The following FXR2 variants were observed in gnomAD, a reference collection of about 807,000 sequenced individuals.
FXR2 encodes FMR1 autosomal homolog 2, also known as RNA-binding protein FXR2.
In FXR2, 9 loss-of-function variants were observed where a neutral mutation model predicts 87.3. The observed-to-expected ratio is 0.10, with a 90% confidence interval of 0.06 to 0.18. The LOEUF (loss-of-function observed/expected upper bound fraction) is 0.18, where lower values mean the gene tolerates loss of function less well. Among genes scored for constraint, FXR2 ranks in the 10% least tolerant of loss-of-function variants. The probability of loss-of-function intolerance (pLI) is 1.00; values close to 1 mark genes in which losing one functional copy is unlikely to be tolerated. For synonymous variants in FXR2, 331 were observed against 328.3 expected (o/e 1.01, Z -0.09); for missense variants, 661 against 893.6 (o/e 0.74, Z 3.32).
rs774976659 is a variant in FXR2 at position 7,592,749 on chromosome 17, G to T, written c.1674C>A (p.Thr558=). The T allele has an allele frequency of 2.1e-5, 34 of 1,613,042 alleles. No homozygotes were observed. In the South Asian group the frequency reaches 3.5e-4, roughly 17 times the overall value. Residue 558 remains threonine (T), a synonymous_variant, in exon 14 of 17, where the codon ACC becomes ACA. Coordinates refer to ENST00000250113, the MANE Select transcript of FXR2 (RefSeq NM_004860.4). The surrounding 1 kb of genome is among the most constrained non-coding windows in gnomAD (Gnocchi z 4.8). ...SRRRRTDEDR[T]VMDGGLESDG... is the part of the protein sequence containing the mutation. The stretch of plus-strand genomic sequence containing the variant: ...CTGATTCCAGGCCTCCATCCATGAC[G>T]GTCCTGTCTTCATCAGTGCGGCGGC...
chr17:7,591,995 C>A lies in FXR2; in HGVS notation c.1927-70G>T. On this transcript the variant is annotated intron_variant, in intron 16 of 16. Coordinates refer to ENST00000250113, the MANE Select transcript of FXR2 (RefSeq NM_004860.4). The surrounding 1 kb of genome is among the most constrained non-coding windows in gnomAD (Gnocchi z 4.0). ...AGTAGAAATTCAGGTGGGAGACATTCCCTACCATCCAAGCCCTCCTGGCAT... is the reference window on the plus strand; with the variant it reads ...AGTAGAAATTCAGGTGGGAGACATTACCTACCATCCAAGCCCTCCTGGCAT... The A allele has an allele frequency of 8.4e-7, 1 of 1,192,578 alleles. No individual in the cohort carries two copies. Among genetic ancestry groups the A allele is most frequent in the Non-Finnish European group, 1.2e-6 (1 of 834,074 alleles). The allele number at this position is 1,192,578 out of a possible 1,614,324, so 73.9% of individuals were successfully genotyped here. A position where few individuals can be genotyped will look rare whatever the true frequency, so the allele number is the denominator to read the frequency against.
At chr17:7,602,127 A>T (rs2071761891) in intron 6 of FXR2, among the ~76,000 whole-genome samples, 1 of 151,304 alleles carries the variant, frequency 6.6e-6, no homozygotes, top group African/African-American at 2.4e-5. Flanking sequence ...TCAGGTTTAA[A>T]AAAAAAGGGT....
chr17:7,599,302 CAAAACAAAAAACA>C (rs1321001608), intron 7 of FXR2, among the ~76,000 whole-genome samples: 1 of 151,806 alleles, frequency 6.6e-6, no homozygotes, highest in East Asian at 1.9e-4. Flanking sequence ...GACTCCATCT[CAAAACAAAAAACA>C]AAAACAAAAA....
Position 7,593,001 on chromosome 17 carries a change from G to T in FXR2, c.1511C>A (p.Ser504Tyr), listed in dbSNP as rs1170299578. 3.8e-6 allele frequency: 6 copies of T among 1,573,662 alleles called. No homozygotes were observed. The South Asian group carries it at 5.9e-5, about 15-fold the overall frequency. ...PAPRPTSRYN[S>Y]SSISSVLKDP... ...TCTGGTACCTGAGCTAATAGATGAAGAATTGTATCTCGAAGTGGGCCGGGG... is the reference window on the plus strand; with the variant it reads ...TCTGGTACCTGAGCTAATAGATGAATAATTGTATCTCGAAGTGGGCCGGGG... Residue 504 changes from serine to tyrosine, a missense_variant, in exon 13 of 17, where the codon TCT becomes TAT. Ser to Tyr is a moderately radical substitution (Grantham distance 144). Transcript: ENST00000250113. This position sits in a 1 kb window ranked among gnomAD's most constrained non-coding sequence, Gnocchi z 6.1.
chr17:7,607,521 G>C (rs571841165), intron 1 of FXR2, among the ~76,000 whole-genome samples: 6 of 151,560 alleles, frequency 4.0e-5, no homozygotes, highest in Non-Finnish European at 7.4e-5. Context: ...TCCACCCCCC[G>C]GGTTCAAGCA....
intron 1 of FXR2, among the ~76,000 whole-genome samples, chr17:7,611,561 G>C (rs947356213): frequency 1.3e-5 from 2 of 152,076 alleles, no homozygotes; most frequent in Non-Finnish European, 2.9e-5. Context: ...CCAGCTACTC[G>C]GGAGGCTGAG....
Position 7,592,215 on chromosome 17 carries a change from CA to C in FXR2, c.1926+38del. 3 of 1,554,642 alleles carry C rather than the reference CA, an allele frequency of 1.9e-6. No individual in the cohort carries two copies. Among genetic ancestry groups the C allele is most frequent in the Non-Finnish European group, 2.7e-6 (3 of 1,131,724 alleles). On this transcript the variant is annotated intron_variant, in intron 16 of 16. Transcript: ENST00000250113. This position sits in a 1 kb window ranked among gnomAD's most constrained non-coding sequence, Gnocchi z 4.8. ...TGTGCCCCCTGCCCCAGAGTAACAACAAAAAAGGGATGGGGTAAAGCACATC... is the reference window on the plus strand; with the variant it reads ...TGTGCCCCCTGCCCCAGAGTAACAACAAAAAGGGATGGGGTAAAGCACATC...
At chr17:7,614,277 G>A (rs539416486) in intron 1 of FXR2, among the ~76,000 whole-genome samples, 175 bp downstream of exon 1, 5 of 152,244 alleles carry the variant, frequency 3.3e-5, no homozygotes, top group African/African-American at 9.6e-5. Context: ...TCAAAAATAA[G>A]AGGAACAGGG....
intron 7 of FXR2, among the ~76,000 whole-genome samples, chr17:7,599,856 C>T (rs551626193): frequency 2.6e-5 from 4 of 152,128 alleles, no homozygotes; most frequent in East Asian, 3.9e-4. Flanking sequence ...CTAGCCTGGG[C>T]GACAGAGACG....
intron 6 of FXR2, among the ~76,000 whole-genome samples, chr17:7,602,121 G>A (rs181881405): frequency 1.2e-4 from 18 of 150,866 alleles, no homozygotes; most frequent in Admixed American, 3.3e-4. Flanking sequence ...TGATTATCAG[G>A]TTTAAAAAAA....
chr17:7,602,058 C>CT (rs781008378), intron 6 of FXR2, among the ~76,000 whole-genome samples: 4 of 152,118 alleles, frequency 2.6e-5, no homozygotes, highest in East Asian at 1.9e-4. Context: ...GCTACATACT[C>CT]TATTTCTGAA....
At chr17:7,604,133 A>G in intron 3 of FXR2, 53 bp from the exon 4 acceptor site, 1 of 1,378,724 alleles carries the variant, frequency 7.3e-7, no homozygotes. Context: ...AAAAGCATCA[A>G]GAAAGGGATG....
chr17:7,592,483 T>C lies in FXR2; in HGVS notation c.1825+21A>G. 2 of 1,606,064 alleles carry C rather than the reference T, an allele frequency of 1.2e-6. No homozygotes were observed. Among genetic ancestry groups the C allele is most frequent in the Non-Finnish European group, 1.7e-6 (2 of 1,172,640 alleles). On this transcript the variant is annotated intron_variant, in intron 15 of 16. Transcript: ENST00000250113. This position sits in a 1 kb window ranked among gnomAD's most constrained non-coding sequence, Gnocchi z 4.8. ...TTCTCTCAGCTCTGAGGAAGGATTC[T>C]GGTGTCCAGAGTTGGCTGACCTGGC... is the stretch of plus-strand genomic sequence containing the variant.
At chr17:7,603,299 A>T (rs1323007436) in intron 5 of FXR2, among the ~76,000 whole-genome samples, 1 of 152,048 alleles carries the variant, frequency 6.6e-6, no homozygotes, top group East Asian at 1.9e-4. Context: ...AGGCTGAGGC[A>T]GGCGGATCAC....
Position 7,614,764 on chromosome 17 carries a change from G to GGCC in FXR2, c.-235_-233dup, listed in dbSNP as rs1002531230. On this transcript the variant is annotated 5_prime_UTR_variant, in exon 1 of 17. Transcript: ENST00000250113. Reference sequence around the variant, plus strand: ...TGGTCTCCGCCACCGTGAGGGAAACGGCCGCCGCCGCCGCTGCCTTCGTCA... The same window carrying GGCC: ...TGGTCTCCGCCACCGTGAGGGAAACGGCCGCCGCCGCCGCCGCTGCCTTCGTCA... 4 of 231,982 alleles carry GGCC rather than the reference G, an allele frequency of 1.7e-5. No homozygotes were observed. The highest frequency in any genetic ancestry group is 5.8e-5 in the Admixed American group (1 of 17,298). The allele number at this position is 231,982 out of a possible 1,614,324, so 14.4% of individuals were successfully genotyped here.
At chr17:7,604,489 C>T (rs2071786320) in intron 3 of FXR2, among the ~76,000 whole-genome samples, 1 of 151,836 alleles carries the variant, frequency 6.6e-6, no homozygotes, top group African/African-American at 2.4e-5. Flanking sequence ...GTCAGGAGTT[C>T]AAGACCAGCC....
chr17:7,597,487 TTTTTTTTTC>T (rs2071717113), intron 7 of FXR2, among the ~76,000 whole-genome samples: 1 of 151,954 alleles, frequency 6.6e-6, no homozygotes, highest in Non-Finnish European at 1.5e-5. Context: ...GGTTTTCTTT[TTTTTTTTTC>T]TTTTTTTTGA....
At chr17:7,611,442 C>A (rs551088664) in intron 1 of FXR2, among the ~76,000 whole-genome samples, 2 of 152,074 alleles carry the variant, frequency 1.3e-5, no homozygotes, top group Non-Finnish European at 2.9e-5. Flanking sequence ...CCAAGGCGGG[C>A]GAATCTCTTG....
intron 3 of FXR2, 120 bp from the exon 4 acceptor site, chr17:7,604,200 G>A (rs2071783239): frequency 1.3e-6 from 1 of 744,738 alleles, no homozygotes; most frequent in Non-Finnish European, 2.3e-6. Flanking sequence ...GGGAGGCTGA[G>A]GCAAAAGGAC....
Sources: gnomAD v4.1 joint callset for allele counts (sites outside exome capture counted in the v4.1 genomes callset) on GRCh38, gnomAD v4.1.1 for gene constraint, Gnocchi (gnomAD v3.1) non-coding constraint, MANE v1.5 for transcripts, NCBI Gene and HGNC (gene_info 2026-07-23, HGNC 2026-07-21) for gene names.